Variants in KIF6 observed in about 807,000 individuals in gnomAD.
KIF6 encodes kinesin-like protein KIF6.
In KIF6, 106 loss-of-function variants were observed where a neutral mutation model predicts 112.7. The ratio of observed to expected loss-of-function variants is 0.94; its 90% CI spans 0.80 to 1.11. KIF6 has a LOEUF of 1.11. KIF6 is among the 50% of genes least tolerant of loss of function. The pLI is 0.00. For missense variants in KIF6, 929 were observed against 964.0 expected (o/e 0.96, Z 0.48); for synonymous variants, 339 against 339.9 (o/e 1.00, Z 0.03).
At chr6:39,610,278 T>C (rs965844532) in intron 6 of KIF6, among the ~76,000 whole-genome samples, 2 of 152,228 alleles carry the variant, frequency 1.3e-5, no homozygotes, top group African/African-American at 4.8e-5. Flanking sequence ...ATTCAAAACA[T>C]TGGTAGGATT....
intron 10 of KIF6, among the ~76,000 whole-genome samples, chr6:39,565,664 GCAAAA>G (rs1299572482): frequency 6.6e-6 from 1 of 152,076 alleles, no homozygotes; most frequent in African/African-American, 2.4e-5. Context: ...TCAAAACAAA[GCAAAA>G]CAAAACAGGT....
intron 3 of KIF6, among the ~76,000 whole-genome samples, chr6:39,640,646 T>C (rs1329587550): frequency 6.6e-6 from 1 of 152,118 alleles, no homozygotes; most frequent in African/African-American, 2.4e-5. Flanking sequence ...AATTCCTCCC[T>C]ATTAGTTCTG....
At chr6:39,389,020 T>C (rs188746688) in intron 15 of KIF6, among the ~76,000 whole-genome samples, 10 of 152,282 alleles carry the variant, frequency 6.6e-5, no homozygotes, top group Admixed American at 5.9e-4. Context: ...TGATGGATTG[T>C]GGGTGGCAGC....
intron 3 of KIF6, among the ~76,000 whole-genome samples, chr6:39,663,454 A>G (rs1339881424): frequency 6.6e-6 from 1 of 152,160 alleles, no homozygotes; most frequent in Non-Finnish European, 1.5e-5. Context: ...CTCAAGAAGC[A>G]CATGGGACCA....
At chr6:39,402,440 T>C (rs914375192) in intron 15 of KIF6, among the ~76,000 whole-genome samples, 5 of 152,182 alleles carry the variant, frequency 3.3e-5, no homozygotes, top group East Asian at 1.9e-4. Flanking sequence ...CGGAACCTGA[T>C]GAAATACTGT....
chr6:39,551,828 T>G (rs1779400268), intron 10 of KIF6, among the ~76,000 whole-genome samples: 1 of 152,216 alleles, frequency 6.6e-6, no homozygotes, highest in South Asian at 2.1e-4. Context: ...GGGTTAAAAC[T>G]TTCTCATTTG....
At chr6:39,495,756 C>T (rs528399961) in intron 13 of KIF6, among the ~76,000 whole-genome samples, 138 of 152,284 alleles carry the variant, frequency 9.1e-4, no homozygotes, top group Non-Finnish European at 1.5e-3. Context: ...TCAAACTTTT[C>T]TGATCAGAGA....
intron 6 of KIF6, among the ~76,000 whole-genome samples, chr6:39,598,148 CT>C (rs1433686242): frequency 2.0e-5 from 3 of 152,254 alleles, no homozygotes; most frequent in African/African-American, 7.2e-5. Context: ...GATAATGCCA[CT>C]GCATTCCAGC....
intron 13 of KIF6, among the ~76,000 whole-genome samples, chr6:39,515,821 A>G (rs1191589644): frequency 6.6e-6 from 1 of 152,212 alleles, no homozygotes; most frequent in Admixed American, 6.5e-5. Flanking sequence ...CAGTAGGAGA[A>G]TATCTAAATC....
rs115956828 is a variant in KIF6, at chr6:39,403,368, G to A, written c.1810+16580C>T. Among the ~76,000 whole-genome samples the A allele has an allele frequency of 1.9e-3, 291 of 152,290 alleles. 1 individual carries two copies. The highest frequency in any genetic ancestry group is 6.7e-3 in the African/African-American group (279 of 41,570). Reference sequence around the variant, plus strand: ...CCCACCCCTGCCCTGCATTGTGGAAGTTCTCACTTTTTCAGAATGTCATAT... The same window carrying A: ...CCCACCCCTGCCCTGCATTGTGGAAATTCTCACTTTTTCAGAATGTCATAT... On this transcript the variant is annotated intron_variant, in intron 15 of 22. Transcript: ENST00000287152.
intron 3 of KIF6, among the ~76,000 whole-genome samples, chr6:39,658,170 T>C (rs1341821731): frequency 6.6e-6 from 1 of 152,218 alleles, no homozygotes; most frequent in Non-Finnish European, 1.5e-5. Flanking sequence ...TGAGCTGGCA[T>C]ACTCATATAT....
intron 3 of KIF6, among the ~76,000 whole-genome samples, chr6:39,668,304 A>G (rs1167302850): frequency 2.0e-5 from 3 of 152,348 alleles, no homozygotes; most frequent in African/African-American, 2.4e-5. Flanking sequence ...TAAGTGTTCA[A>G]CTGTACCTTA....
chr6:39,591,307 T>C (rs753582042), intron 7 of KIF6, among the ~76,000 whole-genome samples: 4 of 152,210 alleles, frequency 2.6e-5, no homozygotes, highest in Non-Finnish European at 5.9e-5. Flanking sequence ...ACTGGAATTA[T>C]GGATTAGAAA....
intron 13 of KIF6, among the ~76,000 whole-genome samples, chr6:39,454,248 T>C (rs554927293): frequency 6.6e-6 from 1 of 151,964 alleles, no homozygotes; most frequent in South Asian, 2.1e-4. Flanking sequence ...TCAGAGAAAG[T>C]CACTCAAAAT....
rs181710446 is a variant in KIF6, at chr6:39,551,648, A to T, written c.1182-5960T>A. 3.1e-3 allele frequency among the ~76,000 whole-genome samples: 478 copies of T among 152,220 alleles called. 3 individuals carry two copies. Among genetic ancestry groups the T allele is most frequent in the African/African-American group, 0.01 (422 of 41,552 alleles). On this transcript the variant is annotated intron_variant, in intron 10 of 22. Coordinates refer to ENST00000287152, the MANE Select transcript of KIF6 (RefSeq NM_145027.6). ...ATATATATCCATAATATTAAAAATTAAAAAAACTTTAGAAAGTATAAAAGG... is the reference window on the plus strand; with the variant it reads ...ATATATATCCATAATATTAAAAATTTAAAAAACTTTAGAAAGTATAAAAGG...
chr6:39,414,017 T>C (rs1478963456), intron 15 of KIF6, among the ~76,000 whole-genome samples: 1 of 152,222 alleles, frequency 6.6e-6, no homozygotes, highest in Non-Finnish European at 1.5e-5. Context: ...ACCATTTCTA[T>C]TCTTGTAGGG....
intron 2 of KIF6, among the ~76,000 whole-genome samples, chr6:39,720,282 A>G (rs929893056): frequency 2.6e-5 from 4 of 152,212 alleles, no homozygotes; most frequent in African/African-American, 9.6e-5. Context: ...CAGCACAGAT[A>G]TAGAGTATAC....
intron 10 of KIF6, among the ~76,000 whole-genome samples, chr6:39,570,151 G>A (rs1258212205): frequency 6.6e-6 from 1 of 152,150 alleles, no homozygotes; most frequent in East Asian, 1.9e-4. Flanking sequence ...ATTATTTAAT[G>A]TTATAATTAC....
chr6:39,624,369 A>T (rs530741121), intron 5 of KIF6, among the ~76,000 whole-genome samples: 1 of 152,266 alleles, frequency 6.6e-6, no homozygotes, highest in African/African-American at 2.4e-5. Flanking sequence ...TTTTTTCTCT[A>T]TCAGTTGAGC....
Sources: gnomAD v4.1 joint callset for allele counts (sites outside exome capture counted in the v4.1 genomes callset) on GRCh38, gnomAD v4.1.1 for gene constraint, MANE v1.5 for transcripts, NCBI Gene and HGNC (gene_info 2026-07-23, HGNC 2026-07-21) for gene names.